C1QTNF3: variants seen among roughly 807,000 people sequenced by gnomAD.
C1QTNF3 encodes the protein C1q and TNF related 3.
A neutral mutation model predicts 32.6 loss-of-function variants in C1QTNF3; 26 were observed. The observed-to-expected ratio is 0.80, with a 90% CI of 0.58 to 1.11. The LOEUF is 1.11. C1QTNF3 is among the 50% of genes least tolerant of loss of function. C1QTNF3 has a pLI of 0.00. For missense variants in C1QTNF3, 362 were observed against 398.2 expected (o/e 0.91, Z 0.77); for synonymous variants, 155 against 146.0 (o/e 1.06, Z -0.44).
chr5:34,090,817 A>G, the C1QTNF3 span, among the ~76,000 whole-genome samples: 1 of 152,000 alleles, frequency 6.6e-6, no homozygotes. Context: ...TGGACCCTCA[A>G]TAGACACCAA....
intron 3 of C1QTNF3, among the ~76,000 whole-genome samples, chr5:34,031,183 G>A (rs1754604106): frequency 6.6e-6 from 1 of 152,164 alleles, no homozygotes; most frequent in African/African-American, 2.4e-5. Flanking sequence ...GTCCAAATGA[G>A]TCATTGAAAC....
the C1QTNF3 span, among the ~76,000 whole-genome samples, chr5:34,063,324 TTCTC>T: frequency 1.2e-3 from 187 of 151,950 alleles, 2 homozygotes; most frequent in East Asian, 0.019. Context: ...TCTCTCCCTT[TTCTC>T]TCTCTGTCTC....
chr5:34,241,951 G>GGGCGGGAA, the C1QTNF3 span, among the ~76,000 whole-genome samples: 1 of 90,206 alleles, frequency 1.1e-5, no homozygotes, highest in African/African-American at 3.5e-5. Context: ...AAGGGAGGGA[G>GGGCGGGAA]GGAAGGAAGG....
At chr5:34,209,208 T>C in the C1QTNF3 span, among the ~76,000 whole-genome samples, 1 of 152,174 alleles carries the variant, frequency 6.6e-6, no homozygotes, top group Admixed American at 6.6e-5. Context: ...GAGAATAGCC[T>C]GGTGGCCTTA....
At chr5:34,144,415 A>G in the C1QTNF3 span, among the ~76,000 whole-genome samples, 2 of 152,202 alleles carry the variant, frequency 1.3e-5, no homozygotes, top group African/African-American at 4.8e-5. Context: ...TAAACTTGAC[A>G]CTAGACCAAA....
Position 34,018,233 on chromosome 5 carries a change from T to A in C1QTNF3, c.*2350A>T, listed in dbSNP as rs1028113167. Among the ~76,000 whole-genome samples, 1 of 151,930 alleles carries A rather than the reference T, an allele frequency of 6.6e-6. No individual in the cohort carries two copies. Among genetic ancestry groups the A allele is most frequent in the Admixed American group, 6.6e-5 (1 of 15,264 alleles). On this transcript the variant is annotated 3_prime_UTR_variant, in exon 6 of 6. Transcript: ENST00000382065. ...GGGGAATTTTATAAATTTTCTATAG[T>A]GAGTTTTTTAAATAAAAATATATAT...
At chr5:34,043,252 G>T (rs1355311135), upstream of C1QTNF3, 1 of 1,001,274 alleles carries the variant, frequency 1.0e-6, no homozygotes, top group Non-Finnish European at 1.5e-6. Context: ...ACTTTGGTGT[G>T]TAATAAATAA....
the C1QTNF3 span, among the ~76,000 whole-genome samples, chr5:34,050,380 G>A: frequency 6.6e-6 from 1 of 152,116 alleles, no homozygotes; most frequent in African/African-American, 2.4e-5. Flanking sequence ...ATACCACAAA[G>A]TGTTCTCTTG....
chr5:34,067,274 T>G, the C1QTNF3 span, among the ~76,000 whole-genome samples: 19 of 152,220 alleles, frequency 1.2e-4, no homozygotes, highest in Non-Finnish European at 2.5e-4. Flanking sequence ...CTCTATCTGT[T>G]ACCCAGGTCC....
chr5:34,237,242 C>A, the C1QTNF3 span, among the ~76,000 whole-genome samples: 79 of 152,140 alleles, frequency 5.2e-4, no homozygotes, highest in Middle Eastern at 0.014. Context: ...AGTAATTTTA[C>A]GGGTAAAATG....
Position 34,018,232 on chromosome 5 carries a change from G to A in C1QTNF3, c.*2351C>T, listed in dbSNP as rs111869325. Among the ~76,000 whole-genome samples the A allele has an allele frequency of 0.024, 3,661 of 151,802 alleles. 58 individuals carry two copies. The highest frequency in any genetic ancestry group is 0.092 in the Middle Eastern group (27 of 294). The stretch of plus-strand genomic sequence containing the variant: ...TGGGGAATTTTATAAATTTTCTATA[G>A]TGAGTTTTTTAAATAAAAATATATA... On this transcript the variant is annotated 3_prime_UTR_variant, in exon 6 of 6. Coordinates refer to ENST00000382065, the MANE Select transcript of C1QTNF3 (RefSeq NM_181435.6).
chr5:34,219,947 A>C, the C1QTNF3 span: 2 of 152,134 alleles, frequency 1.3e-5, no homozygotes, highest in South Asian at 4.1e-4. Flanking sequence ...ATGGAGCTTC[A>C]GTTCTATTTG....
At position 34,017,964 on chromosome 5, in the gene C1QTNF3, T is replaced by C. The variant is rs1353502649; in HGVS notation, c.*2619A>G. Among the ~76,000 whole-genome samples, 3 of 151,988 alleles carry C rather than the reference T, an allele frequency of 2.0e-5. No individual in the cohort carries two copies. Among genetic ancestry groups the C allele is most frequent in the African/African-American group, 4.8e-5 (2 of 41,426 alleles). On this transcript the variant is annotated 3_prime_UTR_variant, in exon 6 of 6. Coordinates refer to ENST00000382065, the MANE Select transcript of C1QTNF3 (RefSeq NM_181435.6). Reference sequence around the variant, plus strand: ...CAAAACAGGAAAGTTAAATAAATTATGCAGTCATTAAAATTATGTTTTCAA... The same window carrying C: ...CAAAACAGGAAAGTTAAATAAATTACGCAGTCATTAAAATTATGTTTTCAA...
the C1QTNF3 span, among the ~76,000 whole-genome samples, chr5:34,054,347 C>T: frequency 1.3e-5 from 2 of 152,194 alleles, no homozygotes; most frequent in Non-Finnish European, 2.9e-5. Flanking sequence ...AGTTCTGTAT[C>T]TCAGTTCCCA....
the C1QTNF3 span, among the ~76,000 whole-genome samples, chr5:34,198,275 TA>T: frequency 4.0e-4 from 51 of 128,926 alleles, no homozygotes; most frequent in African/African-American, 1.2e-3. Context: ...AAAATAAAAA[TA>T]AAAAATAATA....
chr5:34,118,267 A>G, the C1QTNF3 span, among the ~76,000 whole-genome samples: 1 of 152,076 alleles, frequency 6.6e-6, no homozygotes, highest in Non-Finnish European at 1.5e-5. Context: ...TTGGTAGAGA[A>G]AGAGTTTCTG....
At chr5:34,205,226 T>C in the C1QTNF3 span, among the ~76,000 whole-genome samples, 8 of 148,414 alleles carry the variant, frequency 5.4e-5, no homozygotes, top group East Asian at 1.4e-3. Flanking sequence ...AGGATTTTTA[T>C]TGTTGGAGTG....
At chr5:34,057,686 C>T in the C1QTNF3 span, among the ~76,000 whole-genome samples, 5 of 152,208 alleles carry the variant, frequency 3.3e-5, no homozygotes, top group Admixed American at 3.3e-4. Context: ...TTTTTGGTGA[C>T]TAGGGTAAGT....
At chr5:34,124,926 G>A in the C1QTNF3 span, among the ~76,000 whole-genome samples, 17 of 152,114 alleles carry the variant, frequency 1.1e-4, no homozygotes, top group Admixed American at 2.6e-4. Flanking sequence ...TCTCCTATAC[G>A]CCACTCTCAG....
Sources: allele counts gnomAD v4.1 joint callset (sites outside exome capture counted in the v4.1 genomes callset), GRCh38; gene constraint gnomAD v4.1.1; transcripts MANE v1.5; gene names NCBI Gene and HGNC (gene_info 2026-07-23, HGNC 2026-07-21).